The following RPS27A variants were observed in gnomAD, a reference collection of about 807,000 sequenced individuals.
RPS27A encodes the protein ribosomal protein S27a.
RPS27A carries 1 observed loss-of-function variant against 18.9 expected under a neutral mutation model. The ratio of observed to expected loss-of-function variants is 0.05; its 90% CI spans 0.02 to 0.25. RPS27A has a LOEUF of 0.25. Ranked by LOEUF, RPS27A falls within the 10% of genes least tolerant of loss-of-function variation. The pLI, the probability that RPS27A is intolerant of heterozygous loss-of-function variation, is 1.00. For missense variants in RPS27A, 123 were observed against 187.4 expected (o/e 0.66, Z 2.01); for synonymous variants, 77 against 63.7 (o/e 1.21, Z -0.99).
intron 2 of RPS27A, 184 bp from the exon 3 acceptor site, chr2:55,233,179 G>A: frequency 1.4e-6 from 1 of 690,446 alleles, no homozygotes. Context: ...CCCGCTCTGG[G>A]CTGGGGAGAT....
chr2:55,235,695 T>C lies in RPS27A; in HGVS notation c.*118T>C, dbSNP rs1370068214. On this transcript the variant is annotated 3_prime_UTR_variant, in exon 6 of 6. Coordinates refer to ENST00000272317, the MANE Select transcript of RPS27A (RefSeq NM_002954.6). ...CACCATTTCCTTTTAGTAGTGCTAC[T>C]GCTATCGCTGTGTGAATGTTGCCTC... 1.7e-5 allele frequency: 20 copies of C among 1,162,312 alleles called. No homozygotes were observed. The highest frequency in any genetic ancestry group is 2.5e-5 in the Non-Finnish European group (20 of 793,126). The allele number at this position is 1,162,312 out of a possible 1,614,324, so 72.0% of individuals were successfully genotyped here. A position where few individuals can be genotyped will look rare whatever the true frequency, so the allele number is the denominator to read the frequency against.
chr2:55,234,695 T>C (rs982889584), intron 4 of RPS27A, 136 bp from the exon 5 acceptor site: 11 of 948,504 alleles, frequency 1.2e-5, no homozygotes, highest in Non-Finnish European at 1.8e-5. Context: ...TCTGATACTT[T>C]ATTGGGTTTG....
At chr2:55,233,106 C>T (rs1251605793) in intron 2 of RPS27A, 20 of 639,642 alleles carry the variant, frequency 3.1e-5, no homozygotes, top group Middle Eastern at 2.7e-4. Flanking sequence ...AACGGAGGAG[C>T]TGCGGTGGGG....
chr2:55,235,621 G>C lies in RPS27A; in HGVS notation c.*44G>C. ...GACATGAACTAACATTTATTGTTGG[G>C]TTTTATTGCAGTAAAAAGAATGGTT... On this transcript the variant is annotated 3_prime_UTR_variant, in exon 6 of 6. Coordinates refer to ENST00000272317, the MANE Select transcript of RPS27A (RefSeq NM_002954.6). 1.3e-6 allele frequency: 2 copies of C among 1,592,686 alleles called. No homozygotes were observed. Among genetic ancestry groups the C allele is most frequent in the Non-Finnish European group, 8.5e-7 (1 of 1,175,070 alleles).
chr2:55,233,289 A>G, intron 2 of RPS27A, 74 bp from the exon 3 acceptor site: 1 of 1,255,562 alleles, frequency 8.0e-7, no homozygotes, highest in Non-Finnish European at 1.2e-6. Flanking sequence ...GTTCAGTGGT[A>G]ATTGTCAAAC....
chr2:55,235,181 G>T, intron 5 of RPS27A: 2 of 702,458 alleles, frequency 2.8e-6, no homozygotes, highest in Non-Finnish European at 4.7e-6. Flanking sequence ...GTTTAAAGTC[G>T]GGTTTGGGTT....
intron 4 of RPS27A, 171 bp downstream of exon 4, chr2:55,234,375 C>T (rs1041724745): frequency 1.2e-5 from 8 of 640,980 alleles, no homozygotes; most frequent in Non-Finnish European, 2.2e-5. Context: ...CCTCAGCCTC[C>T]TGTAGTTGGA....
intron 1 of RPS27A, 40 bp downstream of exon 1, chr2:55,232,748 T>C: frequency 1.5e-6 from 2 of 1,348,904 alleles, no homozygotes; most frequent in Non-Finnish European, 1.0e-6. Context: ...GTTAGCACCC[T>C]ATGGTGCCTT....
chr2:55,232,613 T>G, upstream of RPS27A: 2 of 617,020 alleles, frequency 3.2e-6, no homozygotes, highest in Admixed American at 5.3e-5. Flanking sequence ...AGTCAGGCAT[T>G]TGGTGTGGTC....
chr2:55,232,746 C>T (rs1052536998), intron 1 of RPS27A, 38 bp downstream of exon 1: 7 of 1,331,506 alleles, frequency 5.3e-6, no homozygotes, highest in East Asian at 2.4e-5. Flanking sequence ...GGGTTAGCAC[C>T]CTATGGTGCC....
chr2:55,232,634 T>C, upstream of RPS27A: 3 of 670,018 alleles, frequency 4.5e-6, no homozygotes, highest in Non-Finnish European at 8.3e-6. Context: ...GCCTAAGGGG[T>C]GGGTCCTTCG....
Position 55,232,735 on chromosome 2 carries a change from C to G in RPS27A, c.-18+27C>G, listed in dbSNP as rs1468558100. 5.7e-6 allele frequency: 7 copies of G among 1,220,686 alleles called. No individual in the cohort carries two copies. In the Admixed American group the frequency reaches 7.8e-5, roughly 14 times the overall value. 75.6% of individuals were successfully genotyped at this position (1,220,686 alleles called of 1,614,324 possible). Reference sequence around the variant, plus strand: ...TGGGTGTCTGCACTTCGGCTGCTCTCGGGTTAGCACCCTATGGTGCCTTCT... The same window carrying G: ...TGGGTGTCTGCACTTCGGCTGCTCTGGGGTTAGCACCCTATGGTGCCTTCT... On this transcript the variant is annotated intron_variant, in intron 1 of 5. Coordinates refer to ENST00000272317, the MANE Select transcript of RPS27A (RefSeq NM_002954.6).
rs370364740 is a variant in RPS27A, at chr2:55,232,830, G to T, written c.6G>T (p.Gln2His). The T allele has an allele frequency of 6.2e-7, 1 of 1,613,050 alleles. No individual in the cohort carries two copies. The highest frequency in any genetic ancestry group is 1.3e-5 in the African/African-American group (1 of 74,926). M[Q>H]IFVKTLTGKT... Reference sequence around the variant, plus strand: ...CAGGTGGAGCCGCCACCAAAATGCAGATTTTCGTGAAAACCCTTACGGGGA... The same window carrying T: ...CAGGTGGAGCCGCCACCAAAATGCATATTTTCGTGAAAACCCTTACGGGGA... The change falls in exon 2 of 6, where the codon CAG becomes CAT. Residue 2 changes from glutamine to histidine, a missense_variant. By Grantham distance (24) the Gln-to-His change is conservative. Transcript: ENST00000272317.
chr2:55,232,185 T>A (rs1434323410), upstream of RPS27A: 1 of 161,726 alleles, frequency 6.2e-6, no homozygotes, highest in East Asian at 1.8e-4. Flanking sequence ...TCCGGCCCGT[T>A]CCCACGCTCC....
chr2:55,235,208 TCTA>T, intron 5 of RPS27A: 2 of 690,732 alleles, frequency 2.9e-6, no homozygotes, highest in East Asian at 2.7e-5. Flanking sequence ...TTTACCTTTG[TCTA>T]CCACTTGCAA....
chr2:55,233,670 C>T, intron 3 of RPS27A: 1 of 526,808 alleles, frequency 1.9e-6, no homozygotes, highest in South Asian at 2.0e-5. Context: ...TCCTCTGTCG[C>T]CCAGGCTGGA....
intron 3 of RPS27A, 62 bp from the exon 4 acceptor site, chr2:55,234,057 T>G: frequency 9.4e-7 from 1 of 1,062,416 alleles, no homozygotes; most frequent in Non-Finnish European, 1.5e-6. Context: ...TGTTACCTTA[T>G]AAGTCTGGAG....
chr2:55,234,648 G>T (rs1351264580), intron 4 of RPS27A, 183 bp from the exon 5 acceptor site: 18 of 675,468 alleles, frequency 2.7e-5, no homozygotes, highest in Non-Finnish European at 4.3e-5. Context: ...GTAATGTAAT[G>T]CATTCTTTAA....
upstream of RPS27A, chr2:55,232,288 G>A: frequency 4.9e-6 from 1 of 202,456 alleles, no homozygotes; most frequent in Non-Finnish European, 1.0e-5. Context: ...AGTAACTAGG[G>A]AATCTGGGAG....
Sources: allele counts gnomAD v4.1 joint callset, GRCh38; gene constraint gnomAD v4.1.1; transcripts MANE v1.5; gene names NCBI Gene and HGNC (gene_info 2026-07-23, HGNC 2026-07-21).